FOLR1: variants seen among roughly 807,000 people sequenced by gnomAD.
FOLR1 encodes KB cells FBP.
A neutral mutation model predicts 22.8 loss-of-function variants in FOLR1; 11 were observed. The observed-to-expected ratio is 0.48, with a 90% CI of 0.30 to 0.80. The LOEUF (loss-of-function observed/expected upper bound fraction) is 0.80, where lower values mean the gene tolerates loss of function less well. FOLR1 is among the 30% of genes least tolerant of loss of function. The pLI is 0.06. For synonymous variants in FOLR1, 108 were observed against 116.5 expected (o/e 0.93, Z 0.47); for missense variants, 273 against 320.3 (o/e 0.85, Z 1.13).
At position 72,195,713 on chromosome 11, in the gene FOLR1, G is replaced by C. The variant is rs1393300891; in HGVS notation, c.459G>C (p.Lys153Asn). The C allele has an allele frequency of 6.2e-7, 1 of 1,614,106 alleles. No homozygotes were observed. Among genetic ancestry groups the C allele is most frequent in the Non-Finnish European group, 8.5e-7 (1 of 1,180,036 alleles). ...ATTGTCGCACCTCCTACACCTGCAA[G>C]AGCAACTGGCACAAGGGCTGGAACT... ...WEDCRTSYTC[K>N]SNWHKGWNWT... Residue 153 changes from lysine to asparagine, a missense_variant, in exon 3 of 4, where the codon AAG (lysine) becomes AAC (asparagine). Transcript: ENST00000393676.
chr11:72,190,883 G>A (rs1189188443), upstream of FOLR1, among the ~76,000 whole-genome samples: 3 of 152,232 alleles, frequency 2.0e-5, no homozygotes, highest in Non-Finnish European at 4.4e-5. Flanking sequence ...CTGTCAAGAG[G>A]AGAGGAGGGG....
rs779986083 is a variant in FOLR1, at chr11:72,195,322, G to A, written c.220G>A (p.Ala74Thr). Reference sequence around the variant, plus strand: ...CTGTTCTACCAACACCAGCCAGGAAGCCCATAAGGATGTTTCCTACCTATA... The same window carrying A: ...CTGTTCTACCAACACCAGCCAGGAAACCCATAAGGATGTTTCCTACCTATA... ...ACCSTNTSQEAHKDVSYLYRF... is the reference protein window; with the variant it reads ...ACCSTNTSQETHKDVSYLYRF... The change falls in exon 2 of 4, where the codon GCC becomes ACC. Residue 74 changes from alanine to threonine, a missense_variant. By Grantham distance (58) the Ala-to-Thr change is moderately conservative. Transcript: ENST00000393676. 6.2e-7 allele frequency: 1 copy of A among 1,614,210 alleles called. No individual in the cohort carries two copies. Among genetic ancestry groups the A allele is most frequent in the Non-Finnish European group, 8.5e-7 (1 of 1,180,036 alleles).
At chr11:72,191,439 T>C (rs1414385370), upstream of FOLR1, among the ~76,000 whole-genome samples, 1 of 152,006 alleles carries the variant, frequency 6.6e-6, no homozygotes, top group African/African-American at 2.4e-5. Flanking sequence ...CTTGGCTCAC[T>C]GTAACCTCCA....
rs1407233145 is a variant in FOLR1 at position 72,196,224 on chromosome 11, C to T, written c.*47C>T. 2 of 1,607,444 alleles carry T rather than the reference C, an allele frequency of 1.2e-6. No individual in the cohort carries two copies. Among genetic ancestry groups the T allele is most frequent in the Non-Finnish European group, 1.7e-6 (2 of 1,174,488 alleles). ...CTGGAAATCCCTGCCCTGTTCAGCC[C>T]CACAGCTCCCAACTATTTGGTTCCT... On this transcript the variant is annotated 3_prime_UTR_variant, in exon 4 of 4. Transcript: ENST00000393676.
intron 1 of FOLR1, among the ~76,000 whole-genome samples, chr11:72,194,379 G>A (rs1278113489): frequency 3.9e-5 from 6 of 151,952 alleles, no homozygotes; most frequent in East Asian, 1.9e-4. Flanking sequence ...ACAGGTGTCC[G>A]CCACCACACT....
intron 1 of FOLR1, among the ~76,000 whole-genome samples, chr11:72,193,151 A>G (rs1948178576): frequency 6.6e-6 from 1 of 152,094 alleles, no homozygotes; most frequent in Non-Finnish European, 1.5e-5. Flanking sequence ...CCTGGGCAAG[A>G]TGGCAAAACC....
chr11:72,190,183 G>A (rs1408533860), upstream of FOLR1: 1 of 152,280 alleles, frequency 6.6e-6, no homozygotes, highest in Non-Finnish European at 1.5e-5. Flanking sequence ...AGAGACTACT[G>A]ACTGAACAGG....
intron 1 of FOLR1, 74 bp downstream of exon 1, chr11:72,192,415 C>A: frequency 6.5e-7 from 1 of 1,528,352 alleles, no homozygotes; most frequent in Non-Finnish European, 9.0e-7. Context: ...AAATGCCAAA[C>A]CCCATTCACT....
intron 1 of FOLR1, among the ~76,000 whole-genome samples, chr11:72,193,896 G>A (rs1452642718): frequency 6.6e-6 from 1 of 151,972 alleles, no homozygotes; most frequent in Non-Finnish European, 1.5e-5. Flanking sequence ...CAATTCTCCT[G>A]CCTTGGCCTC....
chr11:72,193,594 C>G (rs1948186144), intron 1 of FOLR1, among the ~76,000 whole-genome samples: 1 of 149,158 alleles, frequency 6.7e-6, no homozygotes, highest in Non-Finnish European at 1.5e-5. Flanking sequence ...GCCACCACAC[C>G]CAGCTAATTT....
At chr11:72,194,179 A>G (rs1473418004) in intron 1 of FOLR1, among the ~76,000 whole-genome samples, 2 of 152,204 alleles carry the variant, frequency 1.3e-5, no homozygotes, top group African/African-American at 4.8e-5. Flanking sequence ...GTTGTCCTGA[A>G]TTTTGCAGCC....
chr11:72,192,127 C>G, upstream of FOLR1: 2 of 1,611,804 alleles, frequency 1.2e-6, no homozygotes, highest in South Asian at 2.2e-5. Context: ...GCCCCACCTC[C>G]GCATTCCTTG....
rs767252235 is a variant in FOLR1 at position 72,195,430 on chromosome 11, TC to T, written c.333del (p.Asn112ThrfsTer19). The T allele has an allele frequency of 6.2e-7, 1 of 1,614,248 alleles. No homozygotes were observed. On this transcript the variant is annotated frameshift_variant, in exon 2 of 4. Transcript: ENST00000393676. LOFTEE classifies it high-confidence loss of function. ...FIQDTCLYECSPNLGPWIQQV... is the reference protein window; with the variant it reads ...FIQDTCLYECXPNLGPWIQQV... ...CCAGGACACCTGCCTCTACGAGTGCTCCCCCAACTTGGGGCCCTGGATCCAG... is the reference window on the plus strand; with the variant it reads ...CCAGGACACCTGCCTCTACGAGTGCTCCCCAACTTGGGGCCCTGGATCCAG...
At chr11:72,193,730 G>C (rs1948188738) in intron 1 of FOLR1, among the ~76,000 whole-genome samples, 1 of 151,874 alleles carries the variant, frequency 6.6e-6, no homozygotes. Context: ...AAAGTGCTGA[G>C]ATTACAGGTG....
chr11:72,192,252 G>A lies in FOLR1; in HGVS notation c.79G>A (p.Ala27Thr). The change falls in exon 1 of 4, where the codon GCA becomes ACA. Residue 27 changes from alanine (A) to threonine (T), a missense_variant. By Grantham distance (58) the Ala-to-Thr change is moderately conservative (BLOSUM62 0). Coordinates refer to ENST00000393676, the MANE Select transcript of FOLR1 (RefSeq NM_016729.3). ...AGTAGGGGAGGCTCAGACAAGGATT[G>A]CATGGGCCAGGACTGAGCTTCTCAA... ...AVVGEAQTRI[A>T]WARTELLNVC... The A allele has an allele frequency of 6.2e-7, 1 of 1,614,178 alleles. No homozygotes were observed. Among genetic ancestry groups the A allele is most frequent in the Non-Finnish European group, 8.5e-7 (1 of 1,180,030 alleles).
intron 1 of FOLR1, among the ~76,000 whole-genome samples, chr11:72,193,379 G>A (rs1052161294): frequency 1.3e-5 from 2 of 149,140 alleles, no homozygotes; most frequent in Non-Finnish European, 3.0e-5. Context: ...AGGGGAGGAA[G>A]GAAAGGGAGG....
In FOLR1 at chr11:72,195,391, A is replaced by C; in HGVS notation, c.289A>C (p.Lys97Gln). 1.2e-6 allele frequency: 2 copies of C among 1,614,234 alleles called. No individual in the cohort carries two copies. The highest frequency in any genetic ancestry group is 1.7e-6 in the Non-Finnish European group (2 of 1,180,038). Residue 97 changes from lysine (K) to glutamine (Q), a missense_variant, in exon 2 of 4, where the codon AAA (lysine) becomes CAA (glutamine). Lys to Gln is a moderately conservative substitution (Grantham distance 53, BLOSUM62 1). Coordinates refer to ENST00000393676, the MANE Select transcript of FOLR1 (RefSeq NM_016729.3). ...CTGTGGAGAGATGGCACCTGCCTGCAAACGGCATTTCATCCAGGACACCTG... is the reference window on the plus strand; with the variant it reads ...CTGTGGAGAGATGGCACCTGCCTGCCAACGGCATTTCATCCAGGACACCTG... ...NHCGEMAPAC[K>Q]RHFIQDTCLY...
Position 72,195,628 on chromosome 11 carries a change from G to T in FOLR1, c.374G>T (p.Arg125Leu). The T allele has an allele frequency of 6.2e-7, 1 of 1,614,230 alleles. No homozygotes were observed. The highest frequency in any genetic ancestry group is 8.5e-7 in the Non-Finnish European group (1 of 1,180,050). The part of the protein sequence containing the change: ...PWIQQVDQSW[R>L]KERVLNVPLC... ...ATCACCCAGGTGGATCAGAGCTGGCGCAAAGAGCGGGTACTGAACGTGCCC... is the reference window on the plus strand; with the variant it reads ...ATCACCCAGGTGGATCAGAGCTGGCTCAAAGAGCGGGTACTGAACGTGCCC... Residue 125 changes from arginine to leucine, a missense_variant, in exon 3 of 4, where the codon CGC becomes CTC. Transcript: ENST00000393676.
chr11:72,191,569 C>T (rs1489501446), upstream of FOLR1, among the ~76,000 whole-genome samples: 1 of 152,062 alleles, frequency 6.6e-6, no homozygotes, highest in African/African-American at 2.4e-5. Flanking sequence ...ACTATGTTGG[C>T]CAGGCTGGTC....
Sources: allele counts gnomAD v4.1 joint callset (sites outside exome capture counted in the v4.1 genomes callset), GRCh38; gene constraint gnomAD v4.1.1; transcripts MANE v1.5; gene names NCBI Gene and HGNC (gene_info 2026-07-23, HGNC 2026-07-21).